ELMOD1: variants seen among roughly 807,000 people sequenced by gnomAD.
ELMOD1 encodes the protein ELMO domain containing 1, also known as ELMO domain-containing protein 1.
In ELMOD1, 21 loss-of-function variants were observed where a neutral mutation model predicts 46.7. That is an observed-to-expected ratio of 0.45 (90% CI 0.32 to 0.65). ELMOD1 has a LOEUF of 0.65. ELMOD1 is among the 30% of genes least tolerant of loss of function. ELMOD1 has a pLI of 0.04. For synonymous variants in ELMOD1, 122 were observed against 138.2 expected (o/e 0.88, Z 0.82); for missense variants, 348 against 407.8 (o/e 0.85, Z 1.26).
At chr11:107,638,686 T>G (rs997087106) in intron 6 of ELMOD1, among the ~76,000 whole-genome samples, 2 of 152,190 alleles carry the variant, frequency 1.3e-5, no homozygotes, top group African/African-American at 4.8e-5. Context: ...GCAAACCAAA[T>G]TTGGCATACC....
Position 107,618,095 on chromosome 11 carries a change from C to A in ELMOD1, c.-85-10C>A. The stretch of plus-strand genomic sequence containing the variant: ...AGTAAATATACCTAATATCTAATTT[C>A]TTCCCACAGTTGACACTTACTTTGA... On this transcript the variant is annotated splice_polypyrimidine_tract_variant and intron_variant, in intron 1 of 11. Coordinates refer to ENST00000265840, the MANE Select transcript of ELMOD1 (RefSeq NM_018712.4). 7.2e-7 allele frequency: 1 copy of A among 1,382,652 alleles called. No homozygotes were observed. Among genetic ancestry groups the A allele is most frequent in the Admixed American group, 2.0e-5 (1 of 50,614 alleles). 85.6% of individuals were successfully genotyped at this position (1,382,652 alleles called of 1,614,324 possible).
At chr11:107,661,551 A>G (rs942066822) in intron 11 of ELMOD1, among the ~76,000 whole-genome samples, 1 of 152,194 alleles carries the variant, frequency 6.6e-6, no homozygotes, top group African/African-American at 2.4e-5. Context: ...CTATGTACAA[A>G]ATAGATGTGT....
chr11:107,600,634 G>A (rs1444994378), intron 1 of ELMOD1: 2 of 152,760 alleles, frequency 1.3e-5, no homozygotes, highest in Non-Finnish European at 2.9e-5. Flanking sequence ...CAAATGATTT[G>A]GACGTTCTGT....
chr11:107,621,611 C>G (rs1253955722), intron 2 of ELMOD1, among the ~76,000 whole-genome samples: 1 of 68,374 alleles, frequency 1.5e-5, no homozygotes, highest in African/African-American at 3.4e-5. Flanking sequence ...AGTTAAGTGA[C>G]TTCAACAAAG....
intron 5 of ELMOD1, among the ~76,000 whole-genome samples, chr11:107,632,653 CCTT>C (rs1428769664): frequency 6.6e-6 from 1 of 152,112 alleles, no homozygotes; most frequent in Admixed American, 6.5e-5. Context: ...CTTTTTGAAA[CCTT>C]CTAACATATA....
At chr11:107,635,214 C>T (rs1362663858) in intron 5 of ELMOD1, among the ~76,000 whole-genome samples, 1 of 152,120 alleles carries the variant, frequency 6.6e-6, no homozygotes, top group Admixed American at 6.5e-5. Context: ...GCTATATAAT[C>T]CCTAAGAGCC....
At chr11:107,645,125 G>A in intron 6 of ELMOD1, among the ~76,000 whole-genome samples, 1 of 130,996 alleles carries the variant, frequency 7.6e-6, no homozygotes, top group African/African-American at 2.9e-5. Context: ...TATTTGTAGA[G>A]ACGGAGTTTC....
chr11:107,596,920 A>T (rs1865500673), intron 1 of ELMOD1, among the ~76,000 whole-genome samples: 1 of 152,190 alleles, frequency 6.6e-6, no homozygotes, highest in Non-Finnish European at 1.5e-5. Flanking sequence ...TCAAATTTTT[A>T]TATATACACA....
At chr11:107,621,962 G>C (rs1591114293) in intron 2 of ELMOD1, among the ~76,000 whole-genome samples, 2 of 152,104 alleles carry the variant, frequency 1.3e-5, no homozygotes, top group South Asian at 4.1e-4. Flanking sequence ...AGGAGGCGGA[G>C]GTTGCAGTGA....
intron 2 of ELMOD1, among the ~76,000 whole-genome samples, chr11:107,629,808 C>T (rs890703270): frequency 1.3e-5 from 2 of 152,104 alleles, no homozygotes; most frequent in African/African-American, 4.8e-5. Flanking sequence ...ATGAGAAGGG[C>T]TTCTGACAAG....
chr11:107,603,307 G>A (rs1172292891), intron 1 of ELMOD1, among the ~76,000 whole-genome samples: 1 of 152,236 alleles, frequency 6.6e-6, no homozygotes, highest in Non-Finnish European at 1.5e-5. Context: ...GGGAGGCCAA[G>A]GTGGGCACAT....
chr11:107,623,122 C>A (rs569671000), intron 2 of ELMOD1, among the ~76,000 whole-genome samples: 1 of 152,100 alleles, frequency 6.6e-6, no homozygotes, highest in East Asian at 1.9e-4. Context: ...CTATCCCTCC[C>A]CGATTCCCCC....
At position 107,608,110 on chromosome 11, in the gene ELMOD1, T is replaced by C. The variant is rs183831868; in HGVS notation, c.-85-9995T>C. ...ATCTAGGAGAGTGGAACATGGAACA[T>C]GTTTTCATATTCTAGTTATTACTAA... On this transcript the variant is annotated intron_variant, in intron 1 of 11. Coordinates refer to ENST00000265840, the MANE Select transcript of ELMOD1 (RefSeq NM_018712.4). 2.1e-3 allele frequency among the ~76,000 whole-genome samples: 323 copies of C among 151,870 alleles called. 1 individual carries two copies. Among genetic ancestry groups the C allele is most frequent in the African/African-American group, 7.5e-3 (310 of 41,482 alleles).
intron 1 of ELMOD1, among the ~76,000 whole-genome samples, chr11:107,599,856 A>G (rs1865566520): frequency 6.6e-6 from 1 of 151,566 alleles, no homozygotes; most frequent in African/African-American, 2.4e-5. Flanking sequence ...AGTCAGTTAT[A>G]GAAATAATAT....
rs191104461 is a variant in ELMOD1 at position 107,656,726 on chromosome 11, T to C, written c.832+660T>C. On this transcript the variant is annotated intron_variant, in intron 11 of 11. Transcript: ENST00000265840. ...CTTCTGGTCTGACTCAAAGACATCA[T>C]GGGTGTTTCTCTCCCTCTGATCCTC... 2.8e-4 allele frequency among the ~76,000 whole-genome samples: 42 copies of C among 152,234 alleles called. 1 individual carries two copies. Among genetic ancestry groups the C allele is most frequent in the Non-Finnish European group, 3.8e-4 (26 of 68,016 alleles).
At chr11:107,591,717 A>C (rs1214924544) in intron 1 of ELMOD1, 2 of 379,566 alleles carry the variant, frequency 5.3e-6, no homozygotes, top group Admixed American at 3.5e-5. Flanking sequence ...CTAGCGACCT[A>C]ACGCCGAGGG....
At chr11:107,642,349 A>G (rs935846693) in intron 6 of ELMOD1, among the ~76,000 whole-genome samples, 2 of 151,612 alleles carry the variant, frequency 1.3e-5, no homozygotes, top group African/African-American at 4.8e-5. Flanking sequence ...CAGACATTAT[A>G]AACAGATAAT....
In ELMOD1 at chr11:107,594,996, A is replaced by G. The variant is rs1618462; in HGVS notation, c.-86+3587A>G. Among the ~76,000 whole-genome samples the G allele has an allele frequency of 3.7e-3, 568 of 152,330 alleles. 6 individuals carry two copies. The highest frequency in any genetic ancestry group is 0.031 in the South Asian group (150 of 4,828). On this transcript the variant is annotated intron_variant, in intron 1 of 11. Transcript: ENST00000265840. Reference sequence around the variant, plus strand: ...CTTTGAAGACCCAGAAGCTACTTTCATTATTGAATAACGTGGTAAATTTCC... The same window carrying G: ...CTTTGAAGACCCAGAAGCTACTTTCGTTATTGAATAACGTGGTAAATTTCC...
chr11:107,631,725 GC>G, intron 5 of ELMOD1, 48 bp downstream of exon 5: 1 of 1,060,258 alleles, frequency 9.4e-7, no homozygotes, highest in Non-Finnish European at 1.4e-6. Context: ...AAATCACATG[GC>G]CACAGGTTTA....
Sources: gnomAD v4.1 joint callset for allele counts (sites outside exome capture counted in the v4.1 genomes callset) on GRCh38, gnomAD v4.1.1 for gene constraint, MANE v1.5 for transcripts, NCBI Gene and HGNC (gene_info 2026-07-23, HGNC 2026-07-21) for gene names.